Variants in TASP1 observed in about 807,000 individuals in gnomAD.
TASP1 encodes the protein taspase 1, also known as threonine aspartase 1.
A neutral mutation model predicts 56.6 loss-of-function variants in TASP1; 16 were observed. The ratio of observed to expected loss-of-function variants is 0.28; its 90% CI spans 0.19 to 0.43. TASP1 has a LOEUF of 0.43. Among genes scored for constraint, TASP1 ranks in the 20% least tolerant of loss-of-function variants. The pLI is 1.00. For synonymous variants in TASP1, 179 were observed against 184.2 expected (o/e 0.97, Z 0.23); for missense variants, 393 against 511.6 (o/e 0.77, Z 2.24).
chr20:13,325,285 T>C, the TASP1 span, among the ~76,000 whole-genome samples: 2 of 152,226 alleles, frequency 1.3e-5, no homozygotes, highest in Non-Finnish European at 1.5e-5. Context: ...TCTTCTGAAA[T>C]GCGAGGTTGC....
rs1209167029 is a variant in TASP1, at chr20:13,389,564, A to G, written c.*796T>C. On this transcript the variant is annotated 3_prime_UTR_variant, in exon 14 of 14. Transcript: ENST00000337743. Reference sequence around the variant, plus strand: ...TTTCTTATTTACAGTGTTATATTGTAAATAACTTTCCATTATACACAAATT... The same window carrying G: ...TTTCTTATTTACAGTGTTATATTGTGAATAACTTTCCATTATACACAAATT... 3 of 152,642 alleles carry G rather than the reference A, an allele frequency of 2.0e-5. No homozygotes were observed. Among genetic ancestry groups the G allele is most frequent in the African/African-American group, 7.2e-5 (3 of 41,458 alleles). 9.5% of individuals were successfully genotyped at this position (152,642 alleles called of 1,614,324 possible). A position where few individuals can be genotyped will look rare whatever the true frequency, so the allele number is the denominator to read the frequency against.
At chr20:13,228,766 GT>G in the TASP1 span, among the ~76,000 whole-genome samples, 1 of 152,056 alleles carries the variant, frequency 6.6e-6, no homozygotes, top group Non-Finnish European at 1.5e-5. Flanking sequence ...TGGAACTCCT[GT>G]TAGAGATTGA....
chr20:13,596,106 C>T (rs1359151277), intron 4 of TASP1, among the ~76,000 whole-genome samples: 1 of 152,192 alleles, frequency 6.6e-6, no homozygotes, highest in African/African-American at 2.4e-5. Flanking sequence ...GGTGCAGTCG[C>T]TCACGCCTGT....
chr20:13,492,117 G>C (rs950680213), intron 10 of TASP1, among the ~76,000 whole-genome samples: 5 of 152,156 alleles, frequency 3.3e-5, no homozygotes, highest in African/African-American at 4.8e-5. Context: ...CAAAAGCACA[G>C]GCTCGACAGC....
intron 10 of TASP1, among the ~76,000 whole-genome samples, chr20:13,510,989 T>A (rs1368127812): frequency 6.6e-6 from 1 of 152,166 alleles, no homozygotes; most frequent in Admixed American, 6.6e-5. Context: ...TTCCTTCTGC[T>A]TTCCACCCAC....
chr20:13,597,366 A>G (rs1555799998), intron 4 of TASP1, among the ~76,000 whole-genome samples: 1 of 152,316 alleles, frequency 6.6e-6, no homozygotes, highest in Middle Eastern at 3.4e-3. Flanking sequence ...TGGGATGCAA[A>G]GCTGGTTCAA....
the TASP1 span, among the ~76,000 whole-genome samples, chr20:13,319,141 T>C: frequency 1.3e-5 from 2 of 152,176 alleles, no homozygotes; most frequent in African/African-American, 4.8e-5. Flanking sequence ...GGGAAATCTC[T>C]GTTCCTTCTG....
intron 10 of TASP1, among the ~76,000 whole-genome samples, chr20:13,521,054 C>T (rs946626851): frequency 2.0e-5 from 3 of 152,166 alleles, no homozygotes; most frequent in Non-Finnish European, 4.4e-5. Context: ...CAGAGAAATA[C>T]GTATCAAAAC....
intron 4 of TASP1, among the ~76,000 whole-genome samples, chr20:13,621,826 T>C (rs2048727389): frequency 6.6e-6 from 1 of 152,240 alleles, no homozygotes; most frequent in Non-Finnish European, 1.5e-5. Context: ...TTTGCATTCA[T>C]AGTTGCCATT....
intron 8 of TASP1, among the ~76,000 whole-genome samples, chr20:13,556,445 A>G (rs1446902549): frequency 1.3e-5 from 2 of 152,220 alleles, no homozygotes; most frequent in Non-Finnish European, 2.9e-5. Flanking sequence ...TGTGAATAAG[A>G]AAGCACTGTT....
chr20:13,466,318 G>A (rs1478622287), intron 11 of TASP1, among the ~76,000 whole-genome samples: 1 of 152,120 alleles, frequency 6.6e-6, no homozygotes. Context: ...ATCTTATTTT[G>A]AGCAGCTATA....
intron 10 of TASP1, among the ~76,000 whole-genome samples, chr20:13,503,511 A>C (rs2044020949): frequency 6.6e-6 from 1 of 152,190 alleles, no homozygotes; most frequent in African/African-American, 2.4e-5. Flanking sequence ...AGACTGGAGG[A>C]CATAATTGCT....
the TASP1 span, chr20:13,164,892 A>G: frequency 3.0e-5 from 47 of 1,588,676 alleles, no homozygotes; most frequent in Non-Finnish European, 3.7e-5. Context: ...AATGACACAT[A>G]AAGACTTTGC....
chr20:13,238,054 A>G, the TASP1 span: 2 of 152,202 alleles, frequency 1.3e-5, no homozygotes, highest in Admixed American at 1.3e-4. Context: ...TCAAAGCTCA[A>G]TTGTAGACAT....
At chr20:13,635,372 T>C (rs1383495244) in intron 1 of TASP1, among the ~76,000 whole-genome samples, 1 of 150,978 alleles carries the variant, frequency 6.6e-6, no homozygotes, top group Non-Finnish European at 1.5e-5. Context: ...CTGCAAATGT[T>C]TCCTTCAGCA....
intron 10 of TASP1, among the ~76,000 whole-genome samples, chr20:13,488,995 G>T (rs1294050936): frequency 1.3e-5 from 2 of 152,098 alleles, no homozygotes; most frequent in Admixed American, 1.3e-4. Context: ...GCCCACCCTG[G>T]AGTAACAGTC....
At chr20:13,587,454 T>A in intron 4 of TASP1, 84 bp from the exon 5 acceptor site, 1 of 1,196,628 alleles carries the variant, frequency 8.4e-7, no homozygotes. Context: ...TTCTAAAAGC[T>A]AGAAGGTGAG....
chr20:13,552,835 T>G (rs1568573921), intron 8 of TASP1, among the ~76,000 whole-genome samples: 2 of 152,246 alleles, frequency 1.3e-5, no homozygotes, highest in Non-Finnish European at 2.9e-5. Flanking sequence ...TTTAGTGTAC[T>G]AAGTAAATAT....
the TASP1 span, among the ~76,000 whole-genome samples, chr20:13,337,398 C>T: frequency 1.3e-5 from 2 of 152,206 alleles, no homozygotes; most frequent in African/African-American, 2.4e-5. Flanking sequence ...CTTCACACAG[C>T]TCCTCATTCC....
Sources: allele counts gnomAD v4.1 joint callset (sites outside exome capture counted in the v4.1 genomes callset), GRCh38; gene constraint gnomAD v4.1.1; transcripts MANE v1.5; gene names NCBI Gene and HGNC (gene_info 2026-07-23, HGNC 2026-07-21).